P2RY8: variants seen among roughly 807,000 people sequenced by gnomAD.
P2RY8 encodes the protein S-geranylgeranyl-glutathione receptor P2RY8.
Under a neutral mutation model 10.0 loss-of-function variants are expected in P2RY8, and 6 were observed. The observed-to-expected ratio is 0.60, with a 90% CI of 0.33 to 1.19. The LOEUF (loss-of-function observed/expected upper bound fraction) is 1.19, where lower values mean the gene tolerates loss of function less well. Among genes scored for constraint, P2RY8 ranks in the 50% most tolerant of loss-of-function variants. P2RY8 has a pLI of 0.04. For synonymous variants in P2RY8, 276 were observed against 252.5 expected (o/e 1.09, Z -0.88); for missense variants, 456 against 542.0 (o/e 0.84, Z 1.58).
chrX:1,498,887 T>G (rs1278910866), intron 1 of P2RY8, among the ~76,000 whole-genome samples: 2 of 151,480 alleles, frequency 1.3e-5, no homozygotes, highest in Admixed American at 6.6e-5. Context: ...CAGGCTGGAG[T>G]GCAGTGGCAC....
At chrX:1,491,370 A>C (rs1340624690) in intron 1 of P2RY8, among the ~76,000 whole-genome samples, 2 of 152,266 alleles carry the variant, frequency 1.3e-5, no homozygotes, top group Admixed American at 6.5e-5. Flanking sequence ...GGAATTAATG[A>C]ATGACACACA....
chrX:1,531,477 C>T (rs530175211), intron 1 of P2RY8, among the ~76,000 whole-genome samples: 2 of 152,118 alleles, frequency 1.3e-5, no homozygotes, highest in South Asian at 4.1e-4. Flanking sequence ...GTGCCCAGCC[C>T]GAGGGGTTAG....
intron 1 of P2RY8, among the ~76,000 whole-genome samples, chrX:1,521,425 C>T (rs1453230103): frequency 2.0e-5 from 3 of 151,954 alleles, no homozygotes; most frequent in Admixed American, 6.6e-5. Flanking sequence ...ATCCATCACC[C>T]CTCTCTTATG....
chrX:1,524,429 C>CCATT (rs2092416467), intron 1 of P2RY8, among the ~76,000 whole-genome samples: 2 of 144,322 alleles, frequency 1.4e-5, no homozygotes, highest in African/African-American at 2.6e-5. Flanking sequence ...ATCCATCCAT[C>CCATT]CATCCATCCA....
chrX:1,478,381 T>C (rs2149382740), intron 1 of P2RY8, among the ~76,000 whole-genome samples: 1 of 151,804 alleles, frequency 6.6e-6, no homozygotes, highest in East Asian at 1.9e-4. Context: ...TGCAGAGAGG[T>C]TGTAGGGTGA....
intron 1 of P2RY8, among the ~76,000 whole-genome samples, chrX:1,487,344 G>T (rs2091995930): frequency 6.6e-6 from 1 of 152,134 alleles, no homozygotes; most frequent in Non-Finnish European, 1.5e-5. Context: ...TGTTCTTAGA[G>T]CAGACGTCAC....
chrX:1,523,444 G>T (rs1359980408), intron 1 of P2RY8, among the ~76,000 whole-genome samples: 1 of 152,096 alleles, frequency 6.6e-6, no homozygotes, highest in Non-Finnish European at 1.5e-5. Flanking sequence ...TAGAATTTTT[G>T]AGGTTCATCC....
At chrX:1,512,012 C>G (rs2092300815) in intron 1 of P2RY8, among the ~76,000 whole-genome samples, 1 of 152,052 alleles carries the variant, frequency 6.6e-6, no homozygotes, top group African/African-American at 2.4e-5. Flanking sequence ...TTTCCTAGCT[C>G]CTTGGTCCAG....
chrX:1,466,573 CG>C lies in P2RY8; in HGVS notation c.-16del. ...GGGACCTGCATCCTGGAGGGGTCCT[CG>C]CCCGGGCTCTGCAAGGGAAGGAGGG... On this transcript the variant is annotated 5_prime_UTR_variant, in exon 2 of 2. Transcript: ENST00000381297. 6.3e-7 allele frequency: 1 copy of C among 1,595,510 alleles called. No individual in the cohort carries two copies. Among genetic ancestry groups the C allele is most frequent in the East Asian group, 2.2e-5 (1 of 44,738 alleles).
chrX:1,536,061 T>C (rs1446524501), intron 1 of P2RY8, among the ~76,000 whole-genome samples: 1 of 152,084 alleles, frequency 6.6e-6, no homozygotes, highest in East Asian at 1.9e-4. Context: ...CCCGTTTAAT[T>C]TATGCTTACT....
intron 1 of P2RY8, among the ~76,000 whole-genome samples, chrX:1,492,275 G>A (rs1169781661): frequency 1.3e-5 from 2 of 152,160 alleles, no homozygotes; most frequent in Non-Finnish European, 2.9e-5. Flanking sequence ...CAGTTAGGGG[G>A]CCACCCTCAC....
At chrX:1,509,310 C>CATCT (rs1192413207) in intron 1 of P2RY8, among the ~76,000 whole-genome samples, 4 of 148,302 alleles carry the variant, frequency 2.7e-5, no homozygotes, top group Non-Finnish European at 6.0e-5. Context: ...TCTATTCATC[C>CATCT]ATCTATCTAT....
In P2RY8 at chrX:1,477,377, TTC is replaced by T. The variant is rs201681632; in HGVS notation, c.-24-10797_-24-10796del. ...TCGATCATCTATCTACCTATCAATTTTCTCTCTATCAATTACTTATCTATCTA... is the reference window on the plus strand; with the variant it reads ...TCGATCATCTATCTACCTATCAATTTTCTCTATCAATTACTTATCTATCTA... On this transcript the variant is annotated intron_variant, in intron 1 of 1. Transcript: ENST00000381297. Among the ~76,000 whole-genome samples, 3 of 151,636 alleles carry T rather than the reference TTC, an allele frequency of 2.0e-5. No homozygotes were observed. The East Asian group carries it at 5.8e-4, about 29-fold the overall frequency.
intron 1 of P2RY8, among the ~76,000 whole-genome samples, chrX:1,480,478 C>A (rs1375512304): frequency 6.7e-6 from 1 of 148,874 alleles, no homozygotes; most frequent in Non-Finnish European, 1.5e-5. Flanking sequence ...GCCTCGAACT[C>A]CTGGCCTCAA....
At chrX:1,477,907 G>T (rs1344574611) in intron 1 of P2RY8, among the ~76,000 whole-genome samples, 1 of 152,188 alleles carries the variant, frequency 6.6e-6, no homozygotes, top group East Asian at 1.9e-4. Flanking sequence ...CGTGGAAAGG[G>T]ACAGTGGTCT....
intron 1 of P2RY8, among the ~76,000 whole-genome samples, chrX:1,487,293 G>A (rs1238870010): frequency 1.3e-5 from 2 of 152,226 alleles, no homozygotes. Flanking sequence ...TGACAGGGAA[G>A]GAGAAGGTCA....
At chrX:1,485,700 T>C (rs2091980513) in intron 1 of P2RY8, among the ~76,000 whole-genome samples, 1 of 148,170 alleles carries the variant, frequency 6.7e-6, no homozygotes, top group African/African-American at 2.4e-5. Context: ...TATTATAAAT[T>C]AAACATGTTA....
At chrX:1,490,585 C>T (rs2092035928) in intron 1 of P2RY8, among the ~76,000 whole-genome samples, 1 of 145,502 alleles carries the variant, frequency 6.9e-6, no homozygotes, top group South Asian at 2.2e-4. Flanking sequence ...ATGAATGATA[C>T]CCAGATATTC....
rs1349734723 is a variant in P2RY8 at position 1,494,884 on chromosome X, T to G, written c.-24-28302A>C. Among the ~76,000 whole-genome samples the G allele has an allele frequency of 2.6e-5, 3 of 116,132 alleles. No individual in the cohort carries two copies. In the East Asian group the frequency reaches 9.4e-4, roughly 36 times the overall value. The allele number at this position is 116,132 out of a possible 152,430, so 76.2% of individuals were successfully genotyped here. On this transcript the variant is annotated intron_variant, in intron 1 of 1. Coordinates refer to ENST00000381297, the MANE Select transcript of P2RY8 (RefSeq NM_178129.5). The stretch of plus-strand genomic sequence containing the variant: ...CACCTGGCTAATTTTTTTTTTTTTT[T>G]GTATTTTTTTTTTAGTAGAGACAGG...
Sources: allele counts gnomAD v4.1 joint callset (sites outside exome capture counted in the v4.1 genomes callset), GRCh38; gene constraint gnomAD v4.1.1; transcripts MANE v1.5; gene names NCBI Gene and HGNC (gene_info 2026-07-23, HGNC 2026-07-21).